ZNF385C: variants seen among roughly 807,000 people sequenced by gnomAD.
ZNF385C encodes the protein CTD-2132N18.2.
ZNF385C carries 28 observed loss-of-function variants against 35.4 expected under a neutral mutation model. The observed-to-expected ratio is 0.79, with a 90% CI of 0.59 to 1.08. The LOEUF is 1.08. Ranked by LOEUF, ZNF385C falls within the 50% of genes least tolerant of loss-of-function variation. The pLI, the probability that ZNF385C is intolerant of heterozygous loss-of-function variation, is 0.00. For synonymous variants in ZNF385C, 248 were observed against 248.2 expected (o/e 1.00, Z 0.01); for missense variants, 605 against 595.6 (o/e 1.02, Z -0.16).
At chr17:42,058,911 C>T (rs1006406468) in intron 2 of ZNF385C, among the ~76,000 whole-genome samples, 1 of 152,252 alleles carries the variant, frequency 6.6e-6, no homozygotes, top group Non-Finnish European at 1.5e-5. Flanking sequence ...CCCGCCTCGG[C>T]CTCCCAAAGT....
intron 1 of ZNF385C, among the ~76,000 whole-genome samples, chr17:42,072,571 G>A (rs1172608266): frequency 3.3e-5 from 5 of 152,002 alleles, no homozygotes; most frequent in Admixed American, 6.6e-5. Flanking sequence ...CCTGGAGAGC[G>A]CTCCGGACAA....
At chr17:42,031,367 C>T (rs1449882979) in intron 5 of ZNF385C, among the ~76,000 whole-genome samples, 1 of 152,168 alleles carries the variant, frequency 6.6e-6, no homozygotes, top group Non-Finnish European at 1.5e-5. Context: ...GAAGGCAGCC[C>T]TTGGAAATGA....
intron 2 of ZNF385C, among the ~76,000 whole-genome samples, chr17:42,046,853 AT>A (rs1316105179): frequency 4.0e-5 from 6 of 150,276 alleles, no homozygotes; most frequent in South Asian, 2.1e-4. Context: ...ATTAGATGAT[AT>A]TTTTTTTCCT....
chr17:42,035,075 C>A (rs760929335), intron 3 of ZNF385C, among the ~76,000 whole-genome samples: 1 of 126,022 alleles, frequency 7.9e-6, no homozygotes, highest in Admixed American at 9.2e-5. Context: ...GCTGAGATTG[C>A]GCCACTGCAC....
chr17:42,036,392 A>G (rs113972680), intron 3 of ZNF385C, among the ~76,000 whole-genome samples: 4 of 151,946 alleles, frequency 2.6e-5, no homozygotes, highest in African/African-American at 9.6e-5. Flanking sequence ...AGCTGTCTGA[A>G]CTTGTCAAGA....
At chr17:42,065,780 C>T (rs1258045108) in intron 1 of ZNF385C, among the ~76,000 whole-genome samples, 11 of 151,552 alleles carry the variant, frequency 7.3e-5, no homozygotes, top group African/African-American at 1.5e-4. Context: ...CTGCCCGCCT[C>T]GGCATCCCTA....
intron 1 of ZNF385C, among the ~76,000 whole-genome samples, chr17:42,074,762 C>G (rs80194457): frequency 0.12 from 18,013 of 152,290 alleles, 1,236 homozygotes; most frequent in Middle Eastern, 0.26. Flanking sequence ...CACTATCCCA[C>G]AGCACACGCA....
chr17:42,068,733 CA>C (rs1476487569), intron 1 of ZNF385C, among the ~76,000 whole-genome samples: 2 of 152,226 alleles, frequency 1.3e-5, no homozygotes, highest in Admixed American at 1.3e-4. Flanking sequence ...GATTAGAGAA[CA>C]GGCTTTGGGA....
intron 1 of ZNF385C, among the ~76,000 whole-genome samples, chr17:42,078,868 G>A (rs782536628): frequency 6.6e-6 from 1 of 152,130 alleles, no homozygotes; most frequent in South Asian, 2.1e-4. Context: ...GGGAACTGGA[G>A]TAACTTGAAG....
At chr17:42,078,500 C>G (rs1291540974) in intron 1 of ZNF385C, among the ~76,000 whole-genome samples, 1 of 152,132 alleles carries the variant, frequency 6.6e-6, no homozygotes, top group Non-Finnish European at 1.5e-5. Context: ...AGTGCAACCT[C>G]CCTGCTCCTC....
intron 5 of ZNF385C, 67 bp from the exon 6 acceptor site, chr17:42,029,140 C>A: frequency 6.7e-7 from 1 of 1,486,570 alleles, no homozygotes; most frequent in South Asian, 1.3e-5. Context: ...CAGCTCTGAC[C>A]ATGGAGGTGG....
At chr17:42,028,376 C>T in intron 6 of ZNF385C, 130 bp from the exon 7 acceptor site, 1 of 936,820 alleles carries the variant, frequency 1.1e-6, no homozygotes, top group Non-Finnish European at 1.5e-6. Context: ...CATCGCCCTC[C>T]AGCCACACGT....
rs75897136 is a variant in ZNF385C at position 42,039,981 on chromosome 17, C to T, written c.251-2096G>A. 13,539 of 1,231,006 alleles carry T rather than the reference C, an allele frequency of 0.011. 1,128 individuals are homozygous for T. In the African/African-American group the frequency reaches 0.18, roughly 17 times the overall value. The allele number at this position is 1,231,006 out of a possible 1,614,324, so 76.3% of individuals were successfully genotyped here. A position where few individuals can be genotyped will look rare whatever the true frequency, so the allele number is the denominator to read the frequency against. On this transcript the variant is annotated intron_variant, in intron 2 of 8. Coordinates refer to ENST00000692273, the MANE Select transcript of ZNF385C (RefSeq NM_001392013.1). ...GCTCGTGCAGCTCCGAGTGCGCGCA[C>T]GCCAGCTGGGTGCACAGGGCCCGCG...
chr17:42,038,990 C>G (rs1555655750), intron 2 of ZNF385C: 1 of 152,324 alleles, frequency 6.6e-6, no homozygotes, highest in Non-Finnish European at 1.5e-5. Flanking sequence ...GTGGCTCATG[C>G]CTGTAATCCC....
At chr17:42,059,621 GTTGT>G (rs35409215) in intron 2 of ZNF385C, among the ~76,000 whole-genome samples, 2 of 151,322 alleles carry the variant, frequency 1.3e-5, no homozygotes, top group South Asian at 2.1e-4. Flanking sequence ...TTTTGTTGTT[GTTGT>G]TTGTTTGTTT....
At chr17:42,087,656 G>A (rs185865334) in intron 1 of ZNF385C, among the ~76,000 whole-genome samples, 5 of 152,318 alleles carry the variant, frequency 3.3e-5, no homozygotes, top group Admixed American at 2.6e-4. Flanking sequence ...CAGGCGCAGT[G>A]TCTCACGTCT....
intron 1 of ZNF385C, among the ~76,000 whole-genome samples, chr17:42,079,943 G>A (rs1348100765): frequency 6.6e-6 from 1 of 152,100 alleles, no homozygotes; most frequent in Non-Finnish European, 1.5e-5. Flanking sequence ...CCATCATCTT[G>A]CCTCCCAAGG....
At chr17:42,079,106 G>A (rs1555659512) in intron 1 of ZNF385C, among the ~76,000 whole-genome samples, 2 of 150,526 alleles carry the variant, frequency 1.3e-5, no homozygotes, top group Admixed American at 6.7e-5. Flanking sequence ...CACCTTGGAA[G>A]GATGGAAGGA....
chr17:42,047,490 T>C (rs2053190310), intron 2 of ZNF385C, among the ~76,000 whole-genome samples: 1 of 152,006 alleles, frequency 6.6e-6, no homozygotes, highest in African/African-American at 2.4e-5. Flanking sequence ...GCTCTGAGAC[T>C]GCAGTAACTG....
Sources: gnomAD v4.1 joint callset for allele counts (sites outside exome capture counted in the v4.1 genomes callset) on GRCh38, gnomAD v4.1.1 for gene constraint, MANE v1.5 for transcripts, NCBI Gene and HGNC (gene_info 2026-07-23, HGNC 2026-07-21) for gene names.